The following SYNJ2 variants were observed in gnomAD, a reference collection of about 807,000 sequenced individuals.
SYNJ2 encodes the protein polyphosphatidylinositol phosphatase SYNJ2.
SYNJ2 carries 116 observed loss-of-function variants against 141.3 expected under a neutral mutation model. The ratio of observed to expected loss-of-function variants is 0.82; its 90% CI spans 0.71 to 0.96. SYNJ2 has a LOEUF of 0.96. SYNJ2 is among the 40% of genes least tolerant of loss of function. SYNJ2 has a pLI of 0.00. For synonymous variants in SYNJ2, 745 were observed against 777.7 expected, an observed-to-expected ratio of 0.96 and a Z score of 0.70; for missense variants, 1,873 against 1,934.8, an observed-to-expected ratio of 0.97 and a Z score of 0.60.
At chr6:158,018,587 C>T (rs1403447598) in intron 2 of SYNJ2, among the ~76,000 whole-genome samples, 1 of 152,234 alleles carries the variant, frequency 6.6e-6, no homozygotes, top group Non-Finnish European at 1.5e-5. Context: ...TTTCCCTGAA[C>T]TGTGACGATT....
rs1021384669 is a variant in SYNJ2, at chr6:158,088,819, G to A, written c.3456+47G>A. Reference sequence around the variant, plus strand: ...TCAATCCCAAGGGTTTTGCCCCCGGGATAGTGTGGGATCTCTCTTCTCAGT... The same window carrying A: ...TCAATCCCAAGGGTTTTGCCCCCGGAATAGTGTGGGATCTCTCTTCTCAGT... On this transcript the variant is annotated intron_variant, in intron 24 of 26. Coordinates refer to ENST00000355585, the MANE Select transcript of SYNJ2 (RefSeq NM_003898.4). 3 of 1,307,898 alleles carry A rather than the reference G, an allele frequency of 2.3e-6. No homozygotes were observed. The African/African-American group carries it at 4.4e-5, about 19-fold the overall frequency. The allele number at this position is 1,307,898 out of a possible 1,614,324, so 81.0% of individuals were successfully genotyped here.
intron 1 of SYNJ2, among the ~76,000 whole-genome samples, chr6:157,993,796 G>GGTT (rs1777539613): frequency 1.1e-5 from 1 of 92,244 alleles, no homozygotes; most frequent in Non-Finnish European, 2.1e-5. Flanking sequence ...GAAATGTGTG[G>GGTT]GTTTTTTTTT....
chr6:158,094,141 G>A (rs73021941), intron 26 of SYNJ2: 100,756 of 631,796 alleles, frequency 0.16, 9,441 homozygotes, highest in South Asian at 0.27. Context: ...TATTTCCTGG[G>A]TTGCTCTTCT....
At chr6:158,061,464 A>G (rs1478434654) in intron 7 of SYNJ2, among the ~76,000 whole-genome samples, 2 of 152,166 alleles carry the variant, frequency 1.3e-5, no homozygotes. Flanking sequence ...ACCATCCTGA[A>G]GTAGCATCGG....
At chr6:158,033,897 T>C (rs547120605) in intron 4 of SYNJ2, among the ~76,000 whole-genome samples, 117 of 152,344 alleles carry the variant, frequency 7.7e-4, no homozygotes, top group African/African-American at 2.6e-3. Flanking sequence ...TCACATCTCA[T>C]GCAGGGAAAA....
chr6:158,039,751 C>T (rs1262704433), intron 4 of SYNJ2, among the ~76,000 whole-genome samples: 2 of 145,908 alleles, frequency 1.4e-5, no homozygotes, highest in African/African-American at 2.5e-5. Flanking sequence ...ATCTCGGTGG[C>T]CTCGCCCCAG....
At chr6:158,039,632 G>A (rs532596056) in intron 4 of SYNJ2, among the ~76,000 whole-genome samples, 9 of 152,284 alleles carry the variant, frequency 5.9e-5, no homozygotes, top group African/African-American at 1.9e-4. Context: ...ACTGTCTGGC[G>A]CTTCTGGAGA....
chr6:158,001,391 CT>C (rs1008483496), intron 1 of SYNJ2: 4,537 of 110,066 alleles, frequency 0.041, 147 homozygotes, highest in African/African-American at 0.15. Flanking sequence ...TGAGAACTTT[CT>C]TTTTTTTTTT....
intron 1 of SYNJ2, among the ~76,000 whole-genome samples, chr6:157,990,326 A>C (rs1777373603): frequency 6.6e-6 from 1 of 151,028 alleles, no homozygotes; most frequent in African/African-American, 2.5e-5. Context: ...CCACTCTCTC[A>C]TGCCTTCTTC....
chr6:158,055,463 G>T (rs1780811380), intron 6 of SYNJ2, among the ~76,000 whole-genome samples: 1 of 151,234 alleles, frequency 6.6e-6, no homozygotes, highest in South Asian at 2.1e-4. Flanking sequence ...ACTATTAGTA[G>T]TTTTTTACAT....
chr6:158,025,495 G>A (rs1286703095), intron 2 of SYNJ2, among the ~76,000 whole-genome samples: 1 of 151,754 alleles, frequency 6.6e-6, no homozygotes, highest in East Asian at 1.9e-4. Context: ...GGCCAACATG[G>A]TAACACCCCA....
chr6:157,986,768 G>A (rs1156717252), intron 1 of SYNJ2, among the ~76,000 whole-genome samples: 2 of 152,162 alleles, frequency 1.3e-5, no homozygotes, highest in Non-Finnish European at 2.9e-5. Flanking sequence ...AAAGTAGAGG[G>A]AAAAATGAAT....
At chr6:158,093,747 C>A in intron 26 of SYNJ2, 1 of 620,146 alleles carries the variant, frequency 1.6e-6, no homozygotes, top group South Asian at 2.0e-5. Flanking sequence ...CGCCCATTTG[C>A]GTGTGGTCTG....
intron 26 of SYNJ2, chr6:158,094,005 G>A (rs188000207): frequency 3.5e-5 from 27 of 764,922 alleles, no homozygotes; most frequent in African/African-American, 8.4e-5. Flanking sequence ...TGGATCTTCC[G>A]TTTGATCTCA....
intron 1 of SYNJ2, among the ~76,000 whole-genome samples, chr6:157,996,276 C>T (rs534873214): frequency 6.6e-6 from 1 of 152,268 alleles, no homozygotes; most frequent in Admixed American, 6.5e-5. Flanking sequence ...TGAATCCCAC[C>T]CCAAAACAGA....
chr6:158,063,590 C>T (rs908507172), intron 8 of SYNJ2, among the ~76,000 whole-genome samples: 1 of 127,012 alleles, frequency 7.9e-6, no homozygotes, highest in Non-Finnish European at 1.6e-5. Context: ...ACCTGGGAGG[C>T]GGAGGTTGCA....
intron 1 of SYNJ2, among the ~76,000 whole-genome samples, chr6:158,007,434 TCTCA>T (rs1294186698): frequency 6.6e-6 from 1 of 152,214 alleles, no homozygotes; most frequent in Non-Finnish European, 1.5e-5. Context: ...AGACCTGTCC[TCTCA>T]CTCTTTGCTG....
chr6:158,062,538 G>A (rs1259850571), intron 8 of SYNJ2, among the ~76,000 whole-genome samples: 5 of 152,168 alleles, frequency 3.3e-5, no homozygotes, highest in Non-Finnish European at 7.3e-5. Flanking sequence ...GTGAGAGTGA[G>A]GGCCACAGTC....
intron 22 of SYNJ2, among the ~76,000 whole-genome samples, chr6:158,085,986 G>A (rs1367967520): frequency 6.6e-6 from 1 of 152,182 alleles, no homozygotes; most frequent in African/African-American, 2.4e-5. Flanking sequence ...CAGTGCAGGT[G>A]TGAGCACAGA....
Sources: gnomAD v4.1 joint callset for allele counts (sites outside exome capture counted in the v4.1 genomes callset) on GRCh38, gnomAD v4.1.1 for gene constraint, MANE v1.5 for transcripts, NCBI Gene and HGNC (gene_info 2026-07-23, HGNC 2026-07-21) for gene names.